IL1RAPL2: variants seen among roughly 807,000 people sequenced by gnomAD.
IL1RAPL2 encodes the protein interleukin 1 receptor accessory protein like 2.
IL1RAPL2 carries 3 observed loss-of-function variants against 44.1 expected under a neutral mutation model. That is an observed-to-expected ratio of 0.07 (90% CI 0.03 to 0.18). The LOEUF is 0.18. IL1RAPL2 is among the 10% of genes least tolerant of loss of function. The probability of loss-of-function intolerance (pLI) is 1.00; values close to 1 mark genes in which losing one functional copy is unlikely to be tolerated. For synonymous variants in IL1RAPL2, 181 were observed against 178.8 expected, an observed-to-expected ratio of 1.01 and a Z score of -0.10; for missense variants, 391 against 496.4, an observed-to-expected ratio of 0.79 and a Z score of 2.02.
intron 5 of IL1RAPL2, among the ~76,000 whole-genome samples, chrX:105,442,113 C>T (rs770478625): frequency 1.8e-5 from 2 of 109,635 alleles, no homozygotes; most frequent in African/African-American, 3.3e-5. Context: ...TGCAGTGGTG[C>T]GATCTCGGCT....
intron 6 of IL1RAPL2, among the ~76,000 whole-genome samples, chrX:105,613,289 C>A (rs2037349797): frequency 8.9e-6 from 1 of 111,878 alleles, no homozygotes; most frequent in South Asian, 3.7e-4. Flanking sequence ...CACTGGCTGA[C>A]TAAAAAGCCG....
At chrX:104,844,594 C>A (rs1921997533) in intron 2 of IL1RAPL2, among the ~76,000 whole-genome samples, 1 of 83,045 alleles carries the variant, frequency 1.2e-5, no homozygotes, top group African/African-American at 4.6e-5. Context: ...AACAATAGAT[C>A]ATGAGCTAAA....
intron 5 of IL1RAPL2, among the ~76,000 whole-genome samples, chrX:105,379,605 A>G (rs890448555): frequency 1.8e-5 from 2 of 111,704 alleles, no homozygotes; most frequent in Admixed American, 9.6e-5. Flanking sequence ...TGCTCCTAAC[A>G]TGGACTAAAC....
chrX:104,798,346 G>T (rs1258308817), intron 2 of IL1RAPL2, among the ~76,000 whole-genome samples: 1 of 110,321 alleles, frequency 9.1e-6, no homozygotes, highest in Non-Finnish European at 1.9e-5. Context: ...AGGATCACAA[G>T]CATGGTCCTG....
chrX:105,539,109 C>T (rs2036700691), intron 6 of IL1RAPL2, among the ~76,000 whole-genome samples: 1 of 111,162 alleles, frequency 9.0e-6, no homozygotes, highest in African/African-American at 3.3e-5. Flanking sequence ...AACAGCCATA[C>T]TCCCCAGAGC....
At chrX:104,761,026 CGA>C (rs1454796941) in intron 2 of IL1RAPL2, among the ~76,000 whole-genome samples, 1 of 111,369 alleles carries the variant, frequency 9.0e-6, no homozygotes, top group Non-Finnish European at 1.9e-5. Flanking sequence ...CAGAATTTAT[CGA>C]AGAGATTGCC....
At chrX:105,480,653 C>A (rs1229005105) in intron 5 of IL1RAPL2, among the ~76,000 whole-genome samples, 1 of 112,120 alleles carries the variant, frequency 8.9e-6, no homozygotes, top group African/African-American at 3.2e-5. Flanking sequence ...AATTGTAAAT[C>A]TCTGCCCTGT....
intron 2 of IL1RAPL2, among the ~76,000 whole-genome samples, chrX:105,093,404 G>C (rs2032567995): frequency 9.0e-6 from 1 of 111,588 alleles, no homozygotes; most frequent in Non-Finnish European, 1.9e-5. Context: ...TGTGGTTATA[G>C]AGTCTCCCTG....
At chrX:105,538,724 G>A (rs993492209) in intron 6 of IL1RAPL2, among the ~76,000 whole-genome samples, 5 of 111,274 alleles carry the variant, frequency 4.5e-5, no homozygotes, top group South Asian at 3.8e-4. Context: ...ACTAGGCGCC[G>A]AAATAGGAAA....
In IL1RAPL2 at chrX:105,048,773, C is replaced by A. The variant is rs550305862; in HGVS notation, c.83-146702C>A. 1.7e-4 allele frequency among the ~76,000 whole-genome samples: 19 copies of A among 111,314 alleles called. No homozygotes were observed. The South Asian group carries it at 7.2e-3, about 42-fold the overall frequency. ...CCACTATATCTGAACTGTCCAACAC[C>A]GTCAACACTAGCAACATGTAGAAAT... On this transcript the variant is annotated intron_variant, in intron 2 of 10. Coordinates refer to ENST00000372582, the MANE Select transcript of IL1RAPL2 (RefSeq NM_017416.2).
Position 105,317,972 on chromosome X carries a change from C to CT in IL1RAPL2, c.697+50433dup, listed in dbSNP as rs751954823. ...GAAGTAATTATTTTCTTTCTTTCTT[C>CT]TTCTTTTTTTTTTTTTTAAAGACGA... On this transcript the variant is annotated intron_variant, in intron 5 of 10. Transcript: ENST00000372582. Among the ~76,000 whole-genome samples, 210 of 101,766 alleles carry CT rather than the reference C, an allele frequency of 2.1e-3. 3 individuals carry two copies. The highest frequency in any genetic ancestry group is 4.9e-3 in the East Asian group (16 of 3,242). 88.4% of individuals were successfully genotyped at this position (101,766 alleles called of 115,157 possible). A position where few individuals can be genotyped will look rare whatever the true frequency, so the allele number is the denominator to read the frequency against.
intron 2 of IL1RAPL2, among the ~76,000 whole-genome samples, chrX:104,734,181 T>A (rs1262592996): frequency 1.8e-5 from 2 of 112,357 alleles, no homozygotes; most frequent in Non-Finnish European, 3.8e-5. Context: ...TAGCTGAAAT[T>A]TGCATACATT....
At chrX:105,278,842 C>A (rs1472103856) in intron 5 of IL1RAPL2, among the ~76,000 whole-genome samples, 1 of 111,260 alleles carries the variant, frequency 9.0e-6, no homozygotes, top group East Asian at 2.8e-4. Flanking sequence ...CTGAATGGGT[C>A]CTGCTCAATA....
intron 1 of IL1RAPL2, among the ~76,000 whole-genome samples, chrX:104,576,431 G>A (rs1384864815): frequency 8.9e-6 from 1 of 111,948 alleles, no homozygotes; most frequent in Non-Finnish European, 1.9e-5. Flanking sequence ...TGGAGCCATA[G>A]ACATAGCCCT....
intron 2 of IL1RAPL2, among the ~76,000 whole-genome samples, chrX:104,874,046 G>C (rs1368706367): frequency 9.0e-6 from 1 of 110,581 alleles, no homozygotes; most frequent in Non-Finnish European, 1.9e-5. Flanking sequence ...TTCTTGGACT[G>C]ATCTTTGATG....
chrX:105,341,182 G>A (rs142519369), intron 5 of IL1RAPL2, among the ~76,000 whole-genome samples: 2,081 of 111,293 alleles, frequency 0.019, 52 homozygotes, highest in African/African-American at 0.065. Flanking sequence ...GACAGAAATT[G>A]TAAGTGCTTG....
chrX:105,070,978 G>A (rs185531805), intron 2 of IL1RAPL2, among the ~76,000 whole-genome samples: 8 of 111,375 alleles, frequency 7.2e-5, no homozygotes, highest in Non-Finnish European at 1.5e-4. Flanking sequence ...GTAGCTACAT[G>A]GGACAGCTGA....
intron 2 of IL1RAPL2, among the ~76,000 whole-genome samples, chrX:104,944,807 C>A (rs892553777): frequency 2.7e-5 from 3 of 111,124 alleles, no homozygotes; most frequent in African/African-American, 9.8e-5. Context: ...CTGTATATAT[C>A]TTAGAGGAGA....
At chrX:104,849,250 A>C (rs1332553837) in intron 2 of IL1RAPL2, among the ~76,000 whole-genome samples, 1 of 104,603 alleles carries the variant, frequency 9.6e-6, no homozygotes, top group Non-Finnish European at 2.0e-5. Context: ...CAGGCTGGCC[A>C]CGTTGCCCAG....
Sources: gnomAD v4.1 joint callset for allele counts (sites outside exome capture counted in the v4.1 genomes callset) on GRCh38, gnomAD v4.1.1 for gene constraint, MANE v1.5 for transcripts, NCBI Gene and HGNC (gene_info 2026-07-23, HGNC 2026-07-21) for gene names.